The following HEATR4 variants were observed in gnomAD, a reference collection of about 807,000 sequenced individuals.
The protein encoded by HEATR4 is HEAT repeat containing 4.
Under a neutral mutation model 108.8 loss-of-function variants are expected in HEATR4, and 95 were observed. The observed-to-expected ratio is 0.87, with a 90% CI of 0.74 to 1.04. The LOEUF is 1.04. Ranked by LOEUF, HEATR4 falls within the 50% of genes least tolerant of loss-of-function variation. The probability of loss-of-function intolerance (pLI) is 0.00; values close to 1 mark genes in which losing one functional copy is unlikely to be tolerated. For missense variants in HEATR4, 1,152 were observed against 1,253.8 expected (o/e 0.92, Z 1.23); for synonymous variants, 443 against 459.4 (o/e 0.96, Z 0.46).
At chr14:73,589,045 G>C in the HEATR4 span, among the ~76,000 whole-genome samples, 4 of 152,072 alleles carry the variant, frequency 2.6e-5, no homozygotes, top group African/African-American at 9.7e-5. Context: ...TCCCCCACCA[G>C]AATGGTACAT....
At chr14:73,609,312 G>A in the HEATR4 span, among the ~76,000 whole-genome samples, 1 of 152,146 alleles carries the variant, frequency 6.6e-6, no homozygotes, top group Admixed American at 6.6e-5. Flanking sequence ...AACATGGGAT[G>A]GACAATGTCA....
chr14:73,487,915 C>T (rs758809842), intron 17 of HEATR4, among the ~76,000 whole-genome samples: 41 of 152,106 alleles, frequency 2.7e-4, no homozygotes, highest in Non-Finnish European at 3.1e-4. Context: ...AGGTAAGCAA[C>T]AGCAAACAGT....
chr14:73,525,675 G>A (rs1425937663), intron 2 of HEATR4, among the ~76,000 whole-genome samples: 2 of 152,124 alleles, frequency 1.3e-5, no homozygotes, highest in Admixed American at 6.6e-5. Flanking sequence ...CCTTTAGGCC[G>A]GATGCGGTGG....
At chr14:73,597,591 C>CTTTTTTTTTTTTT in the HEATR4 span, among the ~76,000 whole-genome samples, 71 of 98,204 alleles carry the variant, frequency 7.2e-4, no homozygotes, top group African/African-American at 1.3e-3. Context: ...TTTTTCTTTT[C>CTTTTTTTTTTTTT]TTTTTTTTTT....
rs1251708587 is a variant in HEATR4, at chr14:73,531,708, C to G, written c.-151-1464G>C. 1.8e-5 allele frequency among the ~76,000 whole-genome samples: 2 copies of G among 112,384 alleles called. 1 individual carries two copies. Among genetic ancestry groups the G allele is most frequent in the Non-Finnish European group, 3.9e-5 (2 of 51,850 alleles). 73.7% of individuals were successfully genotyped at this position (112,384 alleles called of 152,430 possible). On this transcript the variant is annotated intron_variant, in intron 1 of 17. Coordinates refer to ENST00000553558, the MANE Select transcript of HEATR4 (RefSeq NM_001220484.1). ...TGCAACTGTGAGCCACCACACCCAG[C>G]CTCTTGGTCATTCTTTGAAAAATAA...
the HEATR4 span, among the ~76,000 whole-genome samples, chr14:73,611,792 G>C: frequency 6.6e-5 from 10 of 152,158 alleles, no homozygotes; most frequent in African/African-American, 2.4e-4. Context: ...ACTCGGCTAG[G>C]TCTGCCTCCC....
chr14:73,523,654 G>A (rs1888112549), intron 2 of HEATR4, among the ~76,000 whole-genome samples: 1 of 152,158 alleles, frequency 6.6e-6, no homozygotes, highest in African/African-American at 2.4e-5. Context: ...TCTCCTGGCT[G>A]TTCTCTGAGT....
the HEATR4 span, chr14:73,582,494 G>C: frequency 6.6e-6 from 1 of 151,456 alleles, no homozygotes; most frequent in Non-Finnish European, 1.5e-5. Flanking sequence ...CTCAGCATTC[G>C]CATTGTCATT....
At chr14:73,630,023 C>T in the HEATR4 span, among the ~76,000 whole-genome samples, 1 of 141,338 alleles carries the variant, frequency 7.1e-6, no homozygotes, top group South Asian at 2.2e-4. Flanking sequence ...GACACCATCT[C>T]AAAAAAAATA....
the HEATR4 span, among the ~76,000 whole-genome samples, chr14:73,577,821 T>C: frequency 4.0e-5 from 6 of 151,888 alleles, no homozygotes; most frequent in African/African-American, 1.5e-4. Flanking sequence ...CAAGTCAGCC[T>C]GGGTAACATA....
upstream of HEATR4, among the ~76,000 whole-genome samples, chr14:73,560,277 C>T (rs1889500675): frequency 6.6e-6 from 1 of 152,042 alleles, no homozygotes; most frequent in Admixed American, 6.6e-5. Flanking sequence ...CTGCTGCTGA[C>T]CAACCTGAAT....
the HEATR4 span, chr14:73,569,420 T>A: frequency 6.2e-7 from 1 of 1,613,986 alleles, no homozygotes; most frequent in Non-Finnish European, 8.5e-7. Flanking sequence ...TTAGGGTTCC[T>A]GCTCGGATGG....
chr14:73,487,094 C>T (rs1400153090), intron 17 of HEATR4, among the ~76,000 whole-genome samples: 5 of 145,050 alleles, frequency 3.4e-5, no homozygotes, highest in African/African-American at 7.5e-5. Flanking sequence ...GGTGAAACCC[C>T]GTCTGTACTA....
chr14:73,607,244 A>T, the HEATR4 span, among the ~76,000 whole-genome samples: 2 of 152,222 alleles, frequency 1.3e-5, no homozygotes, highest in Non-Finnish European at 2.9e-5. Context: ...TGGGAAGCAG[A>T]GGTTGCAGTG....
chr14:73,632,348 A>T, the HEATR4 span, among the ~76,000 whole-genome samples: 1 of 152,188 alleles, frequency 6.6e-6, no homozygotes, highest in Non-Finnish European at 1.5e-5. Flanking sequence ...CAGATAAAAT[A>T]AAAGGTCCTC....
At chr14:73,511,509 ACT>A (rs1366182529) in intron 7 of HEATR4, among the ~76,000 whole-genome samples, 2 of 150,214 alleles carry the variant, frequency 1.3e-5, no homozygotes. Flanking sequence ...ACAGAGCAAG[ACT>A]CTGTCTCAAA....
the HEATR4 span, among the ~76,000 whole-genome samples, chr14:73,601,796 T>C: frequency 6.6e-6 from 1 of 152,234 alleles, no homozygotes; most frequent in African/African-American, 2.4e-5. Context: ...ATAGCACTGA[T>C]AACCAATGGG....
In HEATR4 at chr14:73,539,742, C is replaced by T. The variant is rs1482168456; in HGVS notation, c.-151-9498G>A. On this transcript the variant is annotated intron_variant, in intron 1 of 17. Coordinates refer to ENST00000553558, the MANE Select transcript of HEATR4 (RefSeq NM_001220484.1). The stretch of plus-strand genomic sequence containing the variant: ...GGATGCCGTCTGGAAGCTGCCAGCA[C>T]GCGGTCCCTGTCCATCAGCACACGC... 2.5e-5 allele frequency: 3 copies of T among 118,538 alleles called. 1 individual carries two copies. Among genetic ancestry groups the T allele is most frequent in the Non-Finnish European group, 5.5e-5 (3 of 54,164 alleles). 7.3% of individuals were successfully genotyped at this position (118,538 alleles called of 1,614,324 possible).
In HEATR4 at chr14:73,492,555, T is replaced by A; in HGVS notation, c.2844+511A>T. On this transcript the variant is annotated intron_variant, in intron 17 of 17. Coordinates refer to ENST00000553558, the MANE Select transcript of HEATR4 (RefSeq NM_001220484.1). This position sits in a 1 kb window ranked among gnomAD's most constrained non-coding sequence, Gnocchi z 4.9. The stretch of plus-strand genomic sequence containing the variant: ...TTCATTCACGATTCTCTGCCCCCTG[T>A]TTTGACTGATAGGGAGAGGGCACTA... 1 of 1,613,814 alleles carries A rather than the reference T, an allele frequency of 6.2e-7. No individual in the cohort carries two copies. The highest frequency in any genetic ancestry group is 8.5e-7 in the Non-Finnish European group (1 of 1,179,816).
Sources: allele counts gnomAD v4.1 joint callset (sites outside exome capture counted in the v4.1 genomes callset), GRCh38; gene constraint gnomAD v4.1.1; non-coding constraint Gnocchi (gnomAD v3.1); transcripts MANE v1.5; gene names NCBI Gene and HGNC (gene_info 2026-07-23, HGNC 2026-07-21).